THEMIS: variants seen among roughly 807,000 people sequenced by gnomAD.
THEMIS encodes thymocyte selection associated.
In THEMIS, 37 loss-of-function variants were observed where a neutral mutation model predicts 52.6. The observed-to-expected ratio is 0.70, with a 90% CI of 0.54 to 0.93. The LOEUF is 0.93. Among genes scored for constraint, THEMIS ranks in the 40% least tolerant of loss-of-function variants. The pLI, the probability that THEMIS is intolerant of heterozygous loss-of-function variation, is 0.00. For missense variants in THEMIS, 808 were observed against 763.1 expected, an observed-to-expected ratio of 1.06 and a Z score of -0.69; for synonymous variants, 292 against 272.7, an observed-to-expected ratio of 1.07 and a Z score of -0.70.
At chr6:127,889,824 G>A (rs966402114) in intron 1 of THEMIS, among the ~76,000 whole-genome samples, 1 of 151,982 alleles carries the variant, frequency 6.6e-6, no homozygotes, top group Non-Finnish European at 1.5e-5. Flanking sequence ...CATAATGCAG[G>A]TGAAGTTAAG....
At chr6:127,852,116 A>G (rs1779447371) in intron 2 of THEMIS, among the ~76,000 whole-genome samples, 1 of 151,632 alleles carries the variant, frequency 6.6e-6, no homozygotes, top group Non-Finnish European at 1.5e-5. Flanking sequence ...GACAAAATAG[A>G]CTTTAAAACA....
intron 1 of THEMIS, among the ~76,000 whole-genome samples, chr6:127,861,073 T>C (rs1330537604): frequency 2.0e-5 from 3 of 152,136 alleles, no homozygotes; most frequent in Non-Finnish European, 4.4e-5. Context: ...GATACTATTA[T>C]TGATCAAATA....
chr6:127,815,891 G>T (rs1243224264), intron 3 of THEMIS, among the ~76,000 whole-genome samples: 3 of 152,162 alleles, frequency 2.0e-5, no homozygotes, highest in African/African-American at 7.2e-5. Context: ...TTCAATACAA[G>T]CTAGATCCCA....
At chr6:127,912,983 T>C (rs1055884913) in intron 1 of THEMIS, among the ~76,000 whole-genome samples, 7 of 152,174 alleles carry the variant, frequency 4.6e-5, no homozygotes, top group Non-Finnish European at 8.8e-5. Context: ...GACTTGCTCT[T>C]CCAGATCTGT....
intron 2 of THEMIS, among the ~76,000 whole-genome samples, chr6:127,838,557 A>G (rs1402175298): frequency 1.3e-5 from 2 of 151,990 alleles, no homozygotes; most frequent in Non-Finnish European, 2.9e-5. Context: ...GTATTCAAAT[A>G]TATTGTTTCC....
chr6:127,789,725 G>A (rs185404216), intron 4 of THEMIS, among the ~76,000 whole-genome samples: 24 of 152,126 alleles, frequency 1.6e-4, no homozygotes, highest in African/African-American at 5.1e-4. Context: ...TTCAACACAC[G>A]CAAATCAATA....
intron 2 of THEMIS, among the ~76,000 whole-genome samples, chr6:127,850,013 T>A (rs1225581138): frequency 1.3e-5 from 2 of 152,064 alleles, no homozygotes; most frequent in African/African-American, 4.8e-5. Flanking sequence ...GTATCTAGAA[T>A]CTATAAGGAA....
At chr6:127,763,650 T>C (rs1776097484) in intron 4 of THEMIS, among the ~76,000 whole-genome samples, 2 of 151,986 alleles carry the variant, frequency 1.3e-5, no homozygotes, top group African/African-American at 4.8e-5. Context: ...GTAAACTTCA[T>C]TTTCTCTTCA....
chr6:127,788,896 T>G (rs573533678), intron 4 of THEMIS, among the ~76,000 whole-genome samples: 34 of 152,230 alleles, frequency 2.2e-4, no homozygotes, highest in Admixed American at 3.9e-4. Flanking sequence ...AGAGTGAAAT[T>G]TATAGGACTA....
intron 1 of THEMIS, among the ~76,000 whole-genome samples, chr6:127,859,089 C>T (rs552483688): frequency 1.1e-4 from 16 of 152,186 alleles, no homozygotes; most frequent in African/African-American, 2.4e-4. Context: ...AAGTTAAAAA[C>T]GTGTGACAGT....
At chr6:127,742,427 A>G (rs1044431962) in intron 4 of THEMIS, among the ~76,000 whole-genome samples, 2 of 152,130 alleles carry the variant, frequency 1.3e-5, no homozygotes, top group African/African-American at 2.4e-5. Context: ...GTATATTTAA[A>G]AAAAACCTAA....
Position 127,767,284 on chromosome 6 carries a change from G to C in THEMIS, c.1758+45599C>G, listed in dbSNP as rs567799422. On this transcript the variant is annotated intron_variant, in intron 4 of 5. Transcript: ENST00000368248. ...TTTTTTGTATTTTAGTAAAGGCACTGTTTCACCATGTTGGCCAGGCTGGTC... is the reference window on the plus strand; with the variant it reads ...TTTTTTGTATTTTAGTAAAGGCACTCTTTCACCATGTTGGCCAGGCTGGTC... 8.6e-5 allele frequency among the ~76,000 whole-genome samples: 13 copies of C among 152,026 alleles called. No homozygotes were observed. The South Asian group carries it at 1.7e-3, about 19-fold the overall frequency.
At chr6:127,801,048 C>G (rs1777515549) in intron 4 of THEMIS, among the ~76,000 whole-genome samples, 2 of 152,182 alleles carry the variant, frequency 1.3e-5, no homozygotes, top group Admixed American at 6.5e-5. Context: ...GCTAAGGACT[C>G]TACTTCTAAT....
chr6:127,917,206 T>G (rs1781544926), intron 1 of THEMIS, among the ~76,000 whole-genome samples: 1 of 152,192 alleles, frequency 6.6e-6, no homozygotes, highest in Non-Finnish European at 1.5e-5. Flanking sequence ...CAAAATGGGT[T>G]GGTCCTCAAC....
In THEMIS at chr6:127,744,342, A is replaced by T. The variant is rs549220861; in HGVS notation, c.1759-24519T>A. ...CACCTCCAAGAAATGTACAATTGAA[A>T]ATAATGAGTGAAGACTAACAGTGAC... On this transcript the variant is annotated intron_variant, in intron 4 of 5. Coordinates refer to ENST00000368248, the MANE Select transcript of THEMIS (RefSeq NM_001010923.3). Among the ~76,000 whole-genome samples the T allele has an allele frequency of 1.1e-4, 16 of 152,200 alleles. No individual in the cohort carries two copies. The South Asian group carries it at 3.3e-3, about 32-fold the overall frequency.
At chr6:127,785,955 C>T (rs1476315207) in intron 4 of THEMIS, among the ~76,000 whole-genome samples, 3 of 151,998 alleles carry the variant, frequency 2.0e-5, no homozygotes, top group African/African-American at 7.2e-5. Flanking sequence ...ATTTAAGGCA[C>T]TGAAAGTACC....
At chr6:127,838,629 T>G (rs1778946990) in intron 2 of THEMIS, among the ~76,000 whole-genome samples, 1 of 152,110 alleles carries the variant, frequency 6.6e-6, no homozygotes, top group Non-Finnish European at 1.5e-5. Context: ...TAAGATAGTT[T>G]TCCTTAAAAT....
intron 4 of THEMIS, among the ~76,000 whole-genome samples, chr6:127,804,372 A>G (rs1443316354): frequency 6.6e-6 from 1 of 152,216 alleles, no homozygotes; most frequent in Non-Finnish European, 1.5e-5. Context: ...ATTGGTAACC[A>G]TGACACACCT....
chr6:127,742,326 A>C lies in THEMIS; in HGVS notation c.1759-22503T>G, dbSNP rs574623096. 1.0e-3 allele frequency among the ~76,000 whole-genome samples: 144 copies of C among 141,880 alleles called. 2 individuals are homozygous for C. The highest frequency in any genetic ancestry group is 3.6e-3 in the African/African-American group (139 of 38,762). 93.1% of individuals were successfully genotyped at this position (141,880 alleles called of 152,430 possible). On this transcript the variant is annotated intron_variant, in intron 4 of 5. Transcript: ENST00000368248. ...TGAGACTCTGCTTAAAAAAAAAAAA[A>C]AACAAACAAAAAAACAAACAAAAAA...
Sources: gnomAD v4.1 joint callset for allele counts (sites outside exome capture counted in the v4.1 genomes callset) on GRCh38, gnomAD v4.1.1 for gene constraint, MANE v1.5 for transcripts, NCBI Gene and HGNC (gene_info 2026-07-23, HGNC 2026-07-21) for gene names.